LAP3: variants seen among roughly 807,000 people sequenced by gnomAD.
The protein encoded by LAP3 is cytosol aminopeptidase.
In LAP3, 46 loss-of-function variants were observed where a neutral mutation model predicts 58.8. The ratio of observed to expected loss-of-function variants is 0.78; its 90% CI spans 0.62 to 1.00. The LOEUF is 1.00. Ranked by LOEUF, LAP3 falls within the 50% of genes least tolerant of loss-of-function variation. The pLI is 0.00. For synonymous variants in LAP3, 257 were observed against 237.7 expected (o/e 1.08, Z -0.75); for missense variants, 615 against 659.1 (o/e 0.93, Z 0.73).
intron 10 of LAP3, among the ~76,000 whole-genome samples, chr4:17,602,292 C>G (rs1291854780): frequency 1.3e-5 from 2 of 152,124 alleles, no homozygotes; most frequent in Non-Finnish European, 2.9e-5. Flanking sequence ...CAGACGTGTT[C>G]CTTGACTCAG....
chr4:17,597,008 A>G lies in LAP3; in HGVS notation c.989-38A>G, dbSNP rs763791959. ...TCCCATAGGTGGCATGTTTGGACCC[A>G]GTATATACTGTGTGCCTTCATATAT... On this transcript the variant is annotated intron_variant, in intron 8 of 12. Coordinates refer to ENST00000226299, the MANE Select transcript of LAP3 (RefSeq NM_015907.3). The G allele has an allele frequency of 2.5e-6, 4 of 1,600,796 alleles. No individual in the cohort carries two copies. The East Asian group carries it at 8.9e-5, about 36-fold the overall frequency.
rs912752786 is a variant in LAP3, at chr4:17,577,328, A to G, written c.-138A>G. 2.5e-5 allele frequency: 9 copies of G among 356,154 alleles called. No homozygotes were observed. Among genetic ancestry groups the G allele is most frequent in the Admixed American group, 9.9e-5 (1 of 10,062 alleles). The allele number at this position is 356,154 out of a possible 1,614,324, so 22.1% of individuals were successfully genotyped here. On this transcript the variant is annotated 5_prime_UTR_variant, in exon 1 of 13. Transcript: ENST00000226299. ...GCTGCCCATCCGTCCCGCCCCCTAG[A>G]CGCACGTCCGCTCGCCCGGCGCCCG...
chr4:17,585,080 T>A lies in LAP3; in HGVS notation c.648T>A (p.Ala216=), dbSNP rs3733576. 1 of 1,613,748 alleles carries A rather than the reference T, an allele frequency of 6.2e-7. No homozygotes were observed. The highest frequency in any genetic ancestry group is 8.5e-7 in the Non-Finnish European group (1 of 1,179,834). Residue 216 remains alanine, a synonymous_variant, in exon 6 of 13, where the codon GCT becomes GCA. Coordinates refer to ENST00000226299, the MANE Select transcript of LAP3 (RefSeq NM_015907.3). ...ATGAGATGACGCCAACCAGATTTGC[T>A]GAAATTATTGAGAAGAATCTCAAAA... ...PANEMTPTRF[A]EIIEKNLKSA...
intron 7 of LAP3, 22 bp from the exon 8 acceptor site, chr4:17,595,388 C>T: frequency 6.2e-7 from 1 of 1,611,638 alleles, no homozygotes; most frequent in Non-Finnish European, 8.5e-7. Flanking sequence ...CTTAATATTG[C>T]ACGTTGTCCA....
At chr4:17,592,588 T>C (rs1268529967) in intron 7 of LAP3, among the ~76,000 whole-genome samples, 1 of 152,226 alleles carries the variant, frequency 6.6e-6, no homozygotes, top group Non-Finnish European at 1.5e-5. Context: ...AAACAGCCAC[T>C]GTGTTGTATA....
At chr4:17,581,665 C>A in intron 2 of LAP3, 95 bp from the exon 3 acceptor site, 1 of 840,702 alleles carries the variant, frequency 1.2e-6, no homozygotes, top group Non-Finnish European at 2.0e-6. Flanking sequence ...AAGCAGTTAG[C>A]AGAATAGTGT....
chr4:17,583,422 T>C, intron 4 of LAP3, 61 bp from the exon 5 acceptor site: 1 of 1,586,556 alleles, frequency 6.3e-7, no homozygotes, highest in East Asian at 2.2e-5. Context: ...ATGCCTCTGC[T>C]GTCTGCTCTT....
chr4:17,597,190 G>A, intron 9 of LAP3, 56 bp downstream of exon 9: 12 of 1,435,362 alleles, frequency 8.4e-6, no homozygotes, highest in Admixed American at 1.7e-5. Flanking sequence ...GAATCCCGTG[G>A]TGGCCACATA....
At chr4:17,577,728 C>G (rs1713246254) in intron 1 of LAP3, among the ~76,000 whole-genome samples, 161 bp downstream of exon 1, 1 of 152,198 alleles carries the variant, frequency 6.6e-6, no homozygotes, top group Non-Finnish European at 1.5e-5. Context: ...CGGCCTAGGC[C>G]GCTGAGGACC....
intron 7 of LAP3, among the ~76,000 whole-genome samples, chr4:17,591,954 T>C (rs1713697605): frequency 8.2e-6 from 1 of 122,108 alleles, no homozygotes; most frequent in Non-Finnish European, 1.8e-5. Context: ...TCAATGAGTT[T>C]TAACAAATGT....
chr4:17,597,058 T>C lies in LAP3; in HGVS notation c.1001T>C (p.Leu334Pro). Residue 334 changes from leucine (L) to proline (P), a missense_variant, in exon 9 of 13, where the codon CTT (leucine) becomes CCT (proline). Coordinates refer to ENST00000226299, the MANE Select transcript of LAP3 (RefSeq NM_015907.3). ...TTATTTCCAATAGGTCTGGCCCCTC[T>C]TTGTGAAAATATGCCCAGCGGCAAG... ...LPINIIGLAP[L>P]CENMPSGKAN... The C allele has an allele frequency of 6.2e-7, 1 of 1,614,196 alleles. No homozygotes were observed. Among genetic ancestry groups the C allele is most frequent in the Non-Finnish European group, 8.5e-7 (1 of 1,180,010 alleles).
Position 17,577,463 on chromosome 4 carries a change from A to G in LAP3, c.-3A>G, listed in dbSNP as rs1042265901. ...GGGCGGTGCGAGGGGCCGAGCCGAC[A>G]AGATGTTCTTGCTGCCTCTTCCGGC... is the stretch of plus-strand genomic sequence containing the variant. On this transcript the variant is annotated 5_prime_UTR_variant, in exon 1 of 13. Transcript: ENST00000226299. The G allele has an allele frequency of 1.9e-6, 3 of 1,569,688 alleles. No individual in the cohort carries two copies. The highest frequency in any genetic ancestry group is 1.7e-6 in the Non-Finnish European group (2 of 1,159,422).
intron 5 of LAP3, 200 bp from the exon 6 acceptor site, chr4:17,584,772 A>G (rs1162079506): frequency 1.0e-5 from 5 of 485,404 alleles, no homozygotes; most frequent in South Asian, 7.9e-5. Context: ...TTGTGTGGCC[A>G]TGTTTTCTAG....
rs1713240950 is a variant in LAP3 at position 17,577,541 on chromosome 4, A to G, written c.76A>G (p.Ser26Gly). 2 of 1,571,838 alleles carry G rather than the reference A, an allele frequency of 1.3e-6. No homozygotes were observed. Among genetic ancestry groups the G allele is most frequent in the South Asian group, 1.2e-5 (1 of 85,638 alleles). The change falls in exon 1 of 13, where the codon AGT (serine) becomes GGT (glycine). Residue 26 changes from serine to glycine, a missense_variant. Ser to Gly is a moderately conservative substitution (Grantham distance 56). Coordinates refer to ENST00000226299, the MANE Select transcript of LAP3 (RefSeq NM_015907.3). ...GGCCGTGAGACGTTTCGGGAGCCGG[A>G]GTCTCTCCACCGCAGACATGACGAA... Reference protein sequence around the residue: ...RLAVRRFGSRSLSTADMTKGL... With the variant: ...RLAVRRFGSRGLSTADMTKGL...
Position 17,585,243 on chromosome 4 carries a change from G to A in LAP3, c.704+107G>A. 2 of 905,122 alleles carry A rather than the reference G, an allele frequency of 2.2e-6. 1 individual carries two copies. Among genetic ancestry groups the A allele is most frequent in the South Asian group, 3.2e-5 (2 of 62,714 alleles). 56.1% of individuals were successfully genotyped at this position (905,122 alleles called of 1,614,324 possible). On this transcript the variant is annotated intron_variant, in intron 6 of 12. Transcript: ENST00000226299. The stretch of plus-strand genomic sequence containing the variant: ...TTTAGAGGAATAACTTGAGACCAGA[G>A]ATTTGAGATGACCCACTTGGGTCCA...
intron 10 of LAP3, among the ~76,000 whole-genome samples, chr4:17,600,924 T>C (rs901497663): frequency 1.3e-5 from 2 of 152,224 alleles, no homozygotes; most frequent in Non-Finnish European, 2.9e-5. Flanking sequence ...GCCGTGAAGA[T>C]TAAATGAGAC....
At chr4:17,583,854 C>T (rs1481288935) in intron 5 of LAP3, among the ~76,000 whole-genome samples, 1 of 152,194 alleles carries the variant, frequency 6.6e-6, no homozygotes, top group Non-Finnish European at 1.5e-5. Context: ...CCCATGACTC[C>T]CTGACCCCTC....
At chr4:17,594,849 G>A (rs71603375) in intron 7 of LAP3, among the ~76,000 whole-genome samples, 59 of 152,200 alleles carry the variant, frequency 3.9e-4, no homozygotes, top group Non-Finnish European at 6.9e-4. Context: ...TGACCTTCAC[G>A]TTCCATAAGT....
rs536034008 is a variant in LAP3, at chr4:17,603,822, T to C, written c.1181-766T>C. ...AGGCATTGCGCCTGGCCTTTTTTTT[T>C]TTTCTTTCTTTCTTTTTTTTTTGAG... On this transcript the variant is annotated intron_variant, in intron 10 of 12. Coordinates refer to ENST00000226299, the MANE Select transcript of LAP3 (RefSeq NM_015907.3). Among the ~76,000 whole-genome samples, 165 of 84,582 alleles carry C rather than the reference T, an allele frequency of 2.0e-3. 1 individual carries two copies. The highest frequency in any genetic ancestry group is 6.8e-3 in the Middle Eastern group (1 of 146). 55.5% of individuals were successfully genotyped at this position (84,582 alleles called of 152,430 possible). A position where few individuals can be genotyped will look rare whatever the true frequency, so the allele number is the denominator to read the frequency against.
Sources: allele counts gnomAD v4.1 joint callset (sites outside exome capture counted in the v4.1 genomes callset), GRCh38; gene constraint gnomAD v4.1.1; transcripts MANE v1.5; gene names NCBI Gene and HGNC (gene_info 2026-07-23, HGNC 2026-07-21).